Variants in ST6GAL1 observed in about 807,000 individuals in gnomAD.
The protein encoded by ST6GAL1 is beta-galactoside alpha-2,6-sialyltransferase 1.
ST6GAL1 carries 20 observed loss-of-function variants against 38.0 expected under a neutral mutation model. The observed-to-expected ratio is 0.53, with a 90% CI of 0.37 to 0.77. The LOEUF (loss-of-function observed/expected upper bound fraction) is 0.77, where lower values mean the gene tolerates loss of function less well. Among genes scored for constraint, ST6GAL1 ranks in the 30% least tolerant of loss-of-function variants. The probability of loss-of-function intolerance (pLI) is 0.00; values close to 1 mark genes in which losing one functional copy is unlikely to be tolerated. For synonymous variants in ST6GAL1, 196 were observed against 188.2 expected (o/e 1.04, Z -0.34); for missense variants, 432 against 496.4 (o/e 0.87, Z 1.23).
At chr3:186,986,787 A>G (rs940361070) in intron 2 of ST6GAL1, 2 of 152,216 alleles carry the variant, frequency 1.3e-5, no homozygotes, top group Non-Finnish European at 1.5e-5. Flanking sequence ...ACTTGCGATC[A>G]GAAGAACCTG....
At chr3:186,966,649 A>G (rs1715134370) in intron 2 of ST6GAL1, among the ~76,000 whole-genome samples, 1 of 152,086 alleles carries the variant, frequency 6.6e-6, no homozygotes, top group African/African-American at 2.4e-5. Context: ...TTCCTTTCAA[A>G]CCCCAAGGTC....
At chr3:186,993,976 C>T (rs1488873914) in intron 2 of ST6GAL1, among the ~76,000 whole-genome samples, 2 of 152,088 alleles carry the variant, frequency 1.3e-5, no homozygotes, top group African/African-American at 4.8e-5. Context: ...GGCTCTACTT[C>T]GTCATCAGAG....
In ST6GAL1 at chr3:187,000,585, T is replaced by C. The variant is rs182893397; in HGVS notation, c.-183+36659T>C. Among the ~76,000 whole-genome samples the C allele has an allele frequency of 1.3e-3, 203 of 152,150 alleles. 3 individuals carry two copies. In the East Asian group the frequency reaches 0.035, roughly 26 times the overall value. On this transcript the variant is annotated intron_variant, in intron 2 of 7. Coordinates refer to ENST00000169298, the MANE Select transcript of ST6GAL1 (RefSeq NM_173216.2). ...CTCAAAAAAAAGTTTATTTTGTTTC[T>C]ATAAACATTGTTTTTCATCTTTATA... is the stretch of plus-strand genomic sequence containing the variant.
intron 1 of ST6GAL1, among the ~76,000 whole-genome samples, chr3:186,949,545 T>G (rs368851351): frequency 1.3e-5 from 2 of 152,118 alleles, no homozygotes; most frequent in Non-Finnish European, 2.9e-5. Flanking sequence ...CAGGAGGAGA[T>G]GAACCAAAGG....
chr3:186,960,302 AGCT>A (rs1183339264), intron 1 of ST6GAL1, among the ~76,000 whole-genome samples: 1 of 152,140 alleles, frequency 6.6e-6, no homozygotes, highest in Non-Finnish European at 1.5e-5. Context: ...GGATTGGCTG[AGCT>A]GCTGCCAGGG....
chr3:187,032,492 G>A (rs1437454906), intron 2 of ST6GAL1, among the ~76,000 whole-genome samples: 4 of 152,112 alleles, frequency 2.6e-5, no homozygotes, highest in Non-Finnish European at 5.9e-5. Flanking sequence ...TTCAACAAAT[G>A]CATACTGAGA....
At chr3:187,024,172 G>T (rs1041089102) in intron 2 of ST6GAL1, among the ~76,000 whole-genome samples, 9 of 151,992 alleles carry the variant, frequency 5.9e-5, no homozygotes, top group South Asian at 2.1e-4. Flanking sequence ...TCTGCTCACT[G>T]CAATCTCCGC....
chr3:186,942,924 A>G (rs1236721323), intron 1 of ST6GAL1, among the ~76,000 whole-genome samples: 1 of 152,168 alleles, frequency 6.6e-6, no homozygotes, highest in African/African-American at 2.4e-5. Context: ...GCTGGTCTCA[A>G]ACTGCTCACC....
At chr3:187,054,737 A>G (rs1271413913) in intron 5 of ST6GAL1, among the ~76,000 whole-genome samples, 1 of 152,192 alleles carries the variant, frequency 6.6e-6, no homozygotes, top group Non-Finnish European at 1.5e-5. Context: ...GATGTTCATC[A>G]GGGATATTGG....
chr3:186,979,880 G>C (rs1272288569), intron 2 of ST6GAL1, among the ~76,000 whole-genome samples: 1 of 152,150 alleles, frequency 6.6e-6, no homozygotes, highest in Non-Finnish European at 1.5e-5. Context: ...TAGGGATGCA[G>C]CTTTTATAGC....
chr3:186,942,932 A>G (rs961353698), intron 1 of ST6GAL1, among the ~76,000 whole-genome samples: 6 of 152,166 alleles, frequency 3.9e-5, no homozygotes, highest in African/African-American at 1.4e-4. Flanking sequence ...CAAACTGCTC[A>G]CCTCAGGTGA....
intron 5 of ST6GAL1, among the ~76,000 whole-genome samples, chr3:187,055,221 C>T (rs1365586181): frequency 8.1e-6 from 1 of 123,028 alleles, no homozygotes; most frequent in Non-Finnish European, 1.7e-5. Context: ...AGCGGTTTAT[C>T]AATTTTGTTG....
chr3:187,010,916 CCT>C lies in ST6GAL1; in HGVS notation c.-182-27824_-182-27823del, dbSNP rs551637890. Among the ~76,000 whole-genome samples, 43 of 152,266 alleles carry C rather than the reference CCT, an allele frequency of 2.8e-4. No homozygotes were observed. The South Asian group carries it at 8.7e-3, about 31-fold the overall frequency. On this transcript the variant is annotated intron_variant, in intron 2 of 7. Coordinates refer to ENST00000169298, the MANE Select transcript of ST6GAL1 (RefSeq NM_173216.2). ...TGTAAAATTGTTTTAACTAGACCCC[CCT>C]CCCCTTTCTAAACCAAAGTATAAAA...
chr3:186,936,405 A>G (rs1579250193), intron 1 of ST6GAL1, among the ~76,000 whole-genome samples: 2 of 152,338 alleles, frequency 1.3e-5, no homozygotes, highest in Middle Eastern at 3.4e-3. Context: ...GATTTGTTCC[A>G]TAAGAACTGA....
chr3:187,018,824 G>A (rs1386437465), intron 2 of ST6GAL1, among the ~76,000 whole-genome samples: 1 of 152,194 alleles, frequency 6.6e-6, no homozygotes, highest in Non-Finnish European at 1.5e-5. Flanking sequence ...TGTGTCTATG[G>A]CTGTAATCAC....
intron 2 of ST6GAL1, among the ~76,000 whole-genome samples, chr3:186,975,673 A>G (rs1715499336): frequency 6.6e-6 from 1 of 152,118 alleles, no homozygotes; most frequent in African/African-American, 2.4e-5. Context: ...GAGGAAGGAG[A>G]GGATCCAGCG....
chr3:187,075,997 T>TTATGAGCCCAGAGCCTCCTGCCGC lies in ST6GAL1; in HGVS notation c.*216_*217insGCTATGAGCCCAGAGCCTCCTGCC. ...CCAGCCTTCCCTGTAGCCAGACAGT[T>TTATGAGCCCAGAGCCTCCTGCCGC]TATGAGCCCAGAGCCTCCTGCCACA... On this transcript the variant is annotated 3_prime_UTR_variant, in exon 8 of 8. Transcript: ENST00000169298. The surrounding 1 kb of genome is among the most constrained non-coding windows in gnomAD (Gnocchi z 4.1). 1 of 775,942 alleles carries TTATGAGCCCAGAGCCTCCTGCCGC rather than the reference T, an allele frequency of 1.3e-6. No homozygotes were observed. Among genetic ancestry groups the TTATGAGCCCAGAGCCTCCTGCCGC allele is most frequent in the Non-Finnish European group, 2.0e-6 (1 of 502,438 alleles). The allele number at this position is 775,942 out of a possible 1,614,324, so 48.1% of individuals were successfully genotyped here. A position where few individuals can be genotyped will look rare whatever the true frequency, so the allele number is the denominator to read the frequency against.
intron 1 of ST6GAL1, among the ~76,000 whole-genome samples, chr3:186,936,957 A>G (rs184614445): frequency 0.42 from 60,208 of 143,030 alleles, 13,451 homozygotes; most frequent in African/African-American, 0.56. Flanking sequence ...AAAAAAAAAA[A>G]AAAAAGAAAA....
At position 187,075,768 on chromosome 3, in the gene ST6GAL1, G is replaced by C. The variant is rs1004769428; in HGVS notation, c.1186G>C (p.Ala396Pro). 1 of 1,614,210 alleles carries C rather than the reference G, an allele frequency of 6.2e-7. No homozygotes were observed. The highest frequency in any genetic ancestry group is 8.5e-7 in the Non-Finnish European group (1 of 1,180,026). ...TDEDIYLLGK[A>P]TLPGFRTIHC ...TGAGGACATCTACCTGCTTGGAAAA[G>C]CCACACTGCCTGGCTTCCGGACCAT... Residue 396 changes from alanine (A) to proline (P), a missense_variant, in exon 8 of 8, where the codon GCC (alanine) becomes CCC (proline). Coordinates refer to ENST00000169298, the MANE Select transcript of ST6GAL1 (RefSeq NM_173216.2). This position sits in a 1 kb window ranked among gnomAD's most constrained non-coding sequence, Gnocchi z 4.1.
Sources: gnomAD v4.1 joint callset for allele counts (sites outside exome capture counted in the v4.1 genomes callset) on GRCh38, gnomAD v4.1.1 for gene constraint, Gnocchi (gnomAD v3.1) non-coding constraint, MANE v1.5 for transcripts, NCBI Gene and HGNC (gene_info 2026-07-23, HGNC 2026-07-21) for gene names.